The following RGS5 variants were observed in gnomAD, a reference collection of about 807,000 sequenced individuals.
RGS5 encodes regulator of G protein signaling 5, also known as regulator of G-protein signalling 5.
RGS5 carries 20 observed loss-of-function variants against 18.9 expected under a neutral mutation model. That is an observed-to-expected ratio of 1.06 (90% CI 0.74 to 1.54). The LOEUF (loss-of-function observed/expected upper bound fraction) is 1.54. Ranked by LOEUF, RGS5 falls within the 40% of genes most tolerant of loss-of-function variation. The pLI is 0.00. For missense variants in RGS5, 201 were observed against 211.8 expected, an observed-to-expected ratio of 0.95 and a Z score of 0.32; for synonymous variants, 57 against 76.2, an observed-to-expected ratio of 0.75 and a Z score of 1.31.
chr1:163,272,471 G>A (rs1016213686), intron 2 of RGS5, among the ~76,000 whole-genome samples: 2 of 151,848 alleles, frequency 1.3e-5, no homozygotes, highest in South Asian at 2.1e-4. Flanking sequence ...TCTTATGTAC[G>A]AACTTTTTGG....
intron 2 of RGS5, chr1:163,304,608 T>C (rs1649647362): frequency 6.6e-6 from 1 of 152,232 alleles, no homozygotes; most frequent in Non-Finnish European, 1.5e-5. Flanking sequence ...CTGGCTGAAG[T>C]TTAATTTGCT....
intron 2 of RGS5, among the ~76,000 whole-genome samples, chr1:163,285,934 T>C (rs754044384): frequency 3.3e-5 from 5 of 151,884 alleles, no homozygotes; most frequent in Admixed American, 6.6e-5. Flanking sequence ...TTAATAATAT[T>C]ACCCAGTCTC....
chr1:163,193,518 C>T (rs1003489724), intron 1 of RGS5, among the ~76,000 whole-genome samples: 6 of 152,062 alleles, frequency 3.9e-5, no homozygotes, highest in African/African-American at 7.2e-5. Context: ...AGCCTAAAAA[C>T]GCACATGGAT....
At chr1:163,263,036 C>T (rs996059019) in intron 2 of RGS5, among the ~76,000 whole-genome samples, 3 of 152,092 alleles carry the variant, frequency 2.0e-5, no homozygotes, top group African/African-American at 7.2e-5. Flanking sequence ...CTACCCACAG[C>T]CAAACCCACA....
chr1:163,316,459 T>C (rs1650024488), intron 1 of RGS5, among the ~76,000 whole-genome samples: 1 of 152,182 alleles, frequency 6.6e-6, no homozygotes, highest in African/African-American at 2.4e-5. Context: ...AATGATGGCA[T>C]CAATAATACA....
At chr1:163,175,134 A>G (rs1311468898) in intron 1 of RGS5, among the ~76,000 whole-genome samples, 6 of 152,182 alleles carry the variant, frequency 3.9e-5, no homozygotes, top group Admixed American at 6.5e-5. Context: ...TACCCAGGAA[A>G]GAGAAACACA....
At chr1:163,258,117 C>T (rs1422542169) in intron 2 of RGS5, among the ~76,000 whole-genome samples, 1 of 152,212 alleles carries the variant, frequency 6.6e-6, no homozygotes, top group African/African-American at 2.4e-5. Context: ...TGTAGCTGGT[C>T]TGGTTTCTTC....
In RGS5 at chr1:163,144,752, C is replaced by T. The variant is rs1657064004; in HGVS notation, c.*2590G>A. 1 of 152,534 alleles carries T rather than the reference C, an allele frequency of 6.6e-6. No individual in the cohort carries two copies. The highest frequency in any genetic ancestry group is 2.4e-5 in the African/African-American group (1 of 41,426). The allele number at this position is 152,534 out of a possible 1,614,324, so 9.4% of individuals were successfully genotyped here. A position where few individuals can be genotyped will look rare whatever the true frequency, so the allele number is the denominator to read the frequency against. The stretch of plus-strand genomic sequence containing the variant: ...AAAAGAATGTATTTTATCTGTATTA[C>T]CATGGAAATTACTAGTAACACTGGA... On this transcript the variant is annotated 3_prime_UTR_variant, in exon 5 of 5. Transcript: ENST00000313961.
upstream of RGS5, among the ~76,000 whole-genome samples, chr1:163,218,350 C>A (rs535626231): frequency 1.3e-5 from 2 of 152,218 alleles, no homozygotes; most frequent in African/African-American, 4.8e-5. Flanking sequence ...ATAGAATTCA[C>A]AGATATTTTT....
intron 2 of RGS5, among the ~76,000 whole-genome samples, chr1:163,305,658 T>C (rs1029901227): frequency 2.0e-5 from 3 of 152,230 alleles, no homozygotes; most frequent in Non-Finnish European, 2.9e-5. Flanking sequence ...CAAGCTCTCC[T>C]AAGGATTCTC....
chr1:163,304,155 G>T (rs1327848833), intron 2 of RGS5: 1 of 152,174 alleles, frequency 6.6e-6, no homozygotes, highest in Non-Finnish European at 1.5e-5. Flanking sequence ...AATGAAATGT[G>T]ATTATAAAAG....
chr1:163,253,293 G>C (rs891097717), intron 2 of RGS5, among the ~76,000 whole-genome samples: 1 of 151,994 alleles, frequency 6.6e-6, no homozygotes, highest in East Asian at 1.9e-4. Context: ...ATCATGATCA[G>C]AAATAAACTA....
At chr1:163,275,347 A>G (rs1648826724) in intron 2 of RGS5, among the ~76,000 whole-genome samples, 1 of 152,256 alleles carries the variant, frequency 6.6e-6, no homozygotes, top group African/African-American at 2.4e-5. Context: ...TTTCACTGTT[A>G]AATGTCTGGC....
intron 2 of RGS5, among the ~76,000 whole-genome samples, chr1:163,281,351 C>T (rs1436012648): frequency 6.6e-6 from 1 of 152,062 alleles, no homozygotes; most frequent in Non-Finnish European, 1.5e-5. Flanking sequence ...GCAGGCTGTA[C>T]AGGAAGCATG....
chr1:163,298,646 G>A (rs1365912515), intron 2 of RGS5, among the ~76,000 whole-genome samples: 1 of 152,144 alleles, frequency 6.6e-6, no homozygotes, highest in African/African-American at 2.4e-5. Context: ...TGGATAGTTT[G>A]TGACAAAGTC....
chr1:163,280,585 C>T (rs1648966755), intron 2 of RGS5, among the ~76,000 whole-genome samples: 1 of 151,946 alleles, frequency 6.6e-6, no homozygotes, highest in Non-Finnish European at 1.5e-5. Flanking sequence ...AGAAGGAAAA[C>T]TGTGAAACAC....
chr1:163,320,414 C>G (rs1262900233), intron 1 of RGS5, among the ~76,000 whole-genome samples: 1 of 152,174 alleles, frequency 6.6e-6, no homozygotes, highest in African/African-American at 2.4e-5. Context: ...GATGCAGAAA[C>G]GAGCTCAGTT....
chr1:163,287,757 T>C (rs975659341), intron 2 of RGS5, among the ~76,000 whole-genome samples: 1 of 152,244 alleles, frequency 6.6e-6, no homozygotes, highest in African/African-American at 2.4e-5. Context: ...TTTGGGTAAT[T>C]CTACTGGTGG....
intron 2 of RGS5, among the ~76,000 whole-genome samples, chr1:163,299,998 T>C (rs968535474): frequency 1.3e-5 from 2 of 152,216 alleles, no homozygotes; most frequent in African/African-American, 4.8e-5. Flanking sequence ...GGGTATTAGG[T>C]CCTACTTTCA....
Sources: allele counts gnomAD v4.1 joint callset (sites outside exome capture counted in the v4.1 genomes callset), GRCh38; gene constraint gnomAD v4.1.1; transcripts MANE v1.5; gene names NCBI Gene and HGNC (gene_info 2026-07-23, HGNC 2026-07-21).